Variants in KIT observed in about 807,000 individuals in gnomAD.
KIT encodes the protein mast/stem cell growth factor receptor Kit.
In KIT, 16 loss-of-function variants were observed where a neutral mutation model predicts 105.7. The ratio of observed to expected loss-of-function variants is 0.15; its 90% CI spans 0.10 to 0.23. KIT has a LOEUF of 0.23. Among genes scored for constraint, KIT ranks in the 10% least tolerant of loss-of-function variants. The pLI is 1.00. For missense variants in KIT, 858 were observed against 1,213.8 expected, an observed-to-expected ratio of 0.71 and a Z score of 4.36; for synonymous variants, 438 against 441.1, an observed-to-expected ratio of 0.99 and a Z score of 0.09.
chr4:54,673,561 A>G (rs1345891606), intron 1 of KIT, among the ~76,000 whole-genome samples: 2 of 152,056 alleles, frequency 1.3e-5, no homozygotes, highest in Non-Finnish European at 2.9e-5. Flanking sequence ...GCTGTTCTTC[A>G]TAGCTTCTTT....
At chr4:54,669,217 C>A (rs969591944) in intron 1 of KIT, among the ~76,000 whole-genome samples, 14 of 151,994 alleles carry the variant, frequency 9.2e-5, no homozygotes, top group Admixed American at 2.6e-4. Flanking sequence ...GAGGACCCCC[C>A]CCCCTTGCTT....
chr4:54,699,930 A>T (rs1325038408), intron 4 of KIT, among the ~76,000 whole-genome samples, 164 bp downstream of exon 4: 1 of 152,174 alleles, frequency 6.6e-6, no homozygotes, highest in East Asian at 1.9e-4. Context: ...TCATACCTCC[A>T]CATGGAGATA....
At chr4:54,665,378 G>A (rs1560372192) in intron 1 of KIT, among the ~76,000 whole-genome samples, 1 of 152,166 alleles carries the variant, frequency 6.6e-6, no homozygotes, top group Non-Finnish European at 1.5e-5. Context: ...TATTTAGGAG[G>A]GTTAAACTCA....
intron 3 of KIT, 148 bp from the exon 4 acceptor site, chr4:54,699,482 G>A (rs778400445): frequency 5.8e-5 from 47 of 810,038 alleles, no homozygotes; most frequent in Non-Finnish European, 8.6e-5. Context: ...CTTCAGATAT[G>A]CAAGTAGTAC....
intron 7 of KIT, among the ~76,000 whole-genome samples, chr4:54,709,965 G>T (rs572040299): frequency 3.5e-4 from 54 of 152,294 alleles, no homozygotes; most frequent in Admixed American, 1.9e-3. Flanking sequence ...AGGCTGTGAT[G>T]TTACTTGTGT....
At chr4:54,729,169 C>CT in intron 13 of KIT, 166 bp from the exon 14 acceptor site, 1 of 687,758 alleles carries the variant, frequency 1.5e-6, no homozygotes. Flanking sequence ...CATAAGGCTG[C>CT]TTTTTTGATA....
intron 1 of KIT, among the ~76,000 whole-genome samples, chr4:54,662,118 C>T (rs1247407289): frequency 6.6e-6 from 1 of 152,072 alleles, no homozygotes; most frequent in Non-Finnish European, 1.5e-5. Flanking sequence ...GTAGATGAGG[C>T]CTGTGCTCTT....
chr4:54,697,335 T>G (rs751010143), intron 2 of KIT, among the ~76,000 whole-genome samples: 22 of 152,238 alleles, frequency 1.4e-4, no homozygotes, highest in Non-Finnish European at 2.5e-4. Flanking sequence ...AAGTTCATTT[T>G]GTGAAACACC....
At chr4:54,677,612 G>C (rs1472672951) in intron 1 of KIT, among the ~76,000 whole-genome samples, 1 of 152,128 alleles carries the variant, frequency 6.6e-6, no homozygotes, top group African/African-American at 2.4e-5. Context: ...TGGCAGGCTG[G>C]GGGTTGTGGG....
rs1437044852 is a variant in KIT at position 54,727,506 on chromosome 4, C to T, written c.1738C>T (p.His580Tyr). 2.5e-6 allele frequency: 4 copies of T among 1,614,070 alleles called. No homozygotes were observed. The highest frequency in any genetic ancestry group is 3.4e-6 in the Non-Finnish European group (4 of 1,179,970). ...AGACCCAACACAACTTCCTTATGAT[C>T]ACAAATGGGAGTTTCCCAGAAACAG... is the stretch of plus-strand genomic sequence containing the variant. ...YIDPTQLPYD[H>Y]KWEFPRNRLS... The change falls in exon 11 of 21, where the codon CAC becomes TAC. Residue 580 changes from histidine (H) to tyrosine (Y), a missense_variant. This residue lies in a region of KIT where 78 missense variants were observed against 77.6 expected (regional missense o/e 1.01). Coordinates refer to ENST00000288135, the MANE Select transcript of KIT (RefSeq NM_000222.3).
intron 14 of KIT, 127 bp downstream of exon 14, chr4:54,729,612 A>T: frequency 1.2e-6 from 1 of 856,962 alleles, no homozygotes; most frequent in Non-Finnish European, 1.9e-6. Flanking sequence ...CAAAATTATT[A>T]AATCATTTAA....
chr4:54,659,124 G>C (rs988249854), intron 1 of KIT, among the ~76,000 whole-genome samples: 6 of 152,110 alleles, frequency 3.9e-5, no homozygotes, highest in Non-Finnish European at 5.9e-5. Flanking sequence ...CCGCCTCCCC[G>C]CCCCCGGGAC....
chr4:54,684,381 G>C (rs963286430), intron 1 of KIT, among the ~76,000 whole-genome samples: 2 of 152,176 alleles, frequency 1.3e-5, no homozygotes, highest in African/African-American at 4.8e-5. Flanking sequence ...CCAAAAAAAG[G>C]GGGGCTTGAG....
intron 7 of KIT, among the ~76,000 whole-genome samples, chr4:54,720,893 G>A (rs78527758): frequency 0.062 from 9,391 of 152,200 alleles, 938 homozygotes; most frequent in African/African-American, 0.21. Context: ...GTTGTCAGGC[G>A]CTTGGATTTC....
In KIT at chr4:54,725,569, AT is replaced by A. The variant is rs1355911019; in HGVS notation, c.1347-286del. 2.0e-5 allele frequency among the ~76,000 whole-genome samples: 3 copies of A among 152,170 alleles called. No individual in the cohort carries two copies. The East Asian group carries it at 5.8e-4, about 29-fold the overall frequency. ...CTTTCAGTAACCCTCTGCAATGGGT[AT>A]TACTATCCCTGTTTTACAGTCGTAG... On this transcript the variant is annotated intron_variant, in intron 8 of 20. Coordinates refer to ENST00000288135, the MANE Select transcript of KIT (RefSeq NM_000222.3).
In KIT at chr4:54,679,288, AAGG is replaced by A. The variant is rs542091046; in HGVS notation, c.68-16221_68-16219del. On this transcript the variant is annotated intron_variant, in intron 1 of 20. Coordinates refer to ENST00000288135, the MANE Select transcript of KIT (RefSeq NM_000222.3). Reference sequence around the variant, plus strand: ...TTCTACCAACTCCAGAGAGGGGAGAAAGGAGATTTGCCTCTGCTTGTTATCCGG... The same window carrying A: ...TTCTACCAACTCCAGAGAGGGGAGAAAGATTTGCCTCTGCTTGTTATCCGG... Among the ~76,000 whole-genome samples the A allele has an allele frequency of 2.0e-3, 312 of 152,292 alleles. 2 individuals are homozygous for A. Among genetic ancestry groups the A allele is most frequent in the African/African-American group, 7.0e-3 (292 of 41,564 alleles).
intron 7 of KIT, among the ~76,000 whole-genome samples, chr4:54,720,669 C>G (rs1721812647): frequency 6.6e-6 from 1 of 152,210 alleles, no homozygotes; most frequent in Non-Finnish European, 1.5e-5. Context: ...GTTCTTTCAG[C>G]CTTTCCTCCG....
At position 54,727,314 on chromosome 4, in the gene KIT, A is replaced by G. The variant is rs1722289602; in HGVS notation, c.1637A>G (p.Lys546Arg). ...MCIIVMILTY[K>R]YLQKPMYEVQ... Reference sequence around the variant, plus strand: ...ATTATTGTGATGATTCTGACCTACAAATATTTACAGGTAACCATTTATTTG... The same window carrying G: ...ATTATTGTGATGATTCTGACCTACAGATATTTACAGGTAACCATTTATTTG... Residue 546 changes from lysine to arginine, a missense_variant, in exon 10 of 21, where the codon AAA becomes AGA. Transcript: ENST00000288135. The G allele has an allele frequency of 6.2e-7, 1 of 1,614,050 alleles. No homozygotes were observed. The highest frequency in any genetic ancestry group is 8.5e-7 in the Non-Finnish European group (1 of 1,179,876).
At chr4:54,691,285 C>T (rs1205535551) in intron 1 of KIT, among the ~76,000 whole-genome samples, 1 of 152,128 alleles carries the variant, frequency 6.6e-6, no homozygotes. Flanking sequence ...TCCTTACCTG[C>T]AGGATCTAAG....
Sources: allele counts gnomAD v4.1 joint callset (sites outside exome capture counted in the v4.1 genomes callset), GRCh38; gene constraint gnomAD v4.1.1; regional missense constraint gnomAD v4.1.1; transcripts MANE v1.5; gene names NCBI Gene and HGNC (gene_info 2026-07-23, HGNC 2026-07-21).